SLC45A2: variants seen among roughly 807,000 people sequenced by gnomAD.
The protein encoded by SLC45A2 is solute carrier family 45 member 2, also known as membrane-associated transporter protein.
A neutral mutation model predicts 45.5 loss-of-function variants in SLC45A2; 36 were observed. The observed-to-expected ratio is 0.79, with a 90% CI of 0.61 to 1.04. SLC45A2 has a LOEUF of 1.04. SLC45A2 is among the 50% of genes least tolerant of loss of function. The probability of loss-of-function intolerance (pLI) is 0.00; values close to 1 mark genes in which losing one functional copy is unlikely to be tolerated. For synonymous variants in SLC45A2, 306 were observed against 269.3 expected (o/e 1.14, Z -1.33); for missense variants, 719 against 671.0 (o/e 1.07, Z -0.79).
In SLC45A2 at chr5:33,984,609, C is replaced by T. The variant is rs549171109; in HGVS notation, c.-26G>A. On this transcript the variant is annotated 5_prime_UTR_variant, in exon 1 of 7. Transcript: ENST00000296589. ...GGCCACTGGGAGAGGAACCTTCCTG[C>T]GAGCCCACCACCTCCTGCGTGGTCC... The T allele has an allele frequency of 1.5e-5, 24 of 1,605,618 alleles. 1 individual carries two copies. In the South Asian group the frequency reaches 2.2e-4, roughly 15 times the overall value.
At chr5:33,950,609 T>G (rs1254882195) in intron 5 of SLC45A2, among the ~76,000 whole-genome samples, 2 of 152,158 alleles carry the variant, frequency 1.3e-5, no homozygotes, top group Non-Finnish European at 2.9e-5. Context: ...CATCCACACT[T>G]TCCCTTCACA....
At chr5:33,946,495 G>A in intron 6 of SLC45A2, 1 of 985,654 alleles carries the variant, frequency 1.0e-6, no homozygotes, top group Non-Finnish European at 1.2e-6. Context: ...TTGATAAGAA[G>A]AGGTGGTAAT....
At chr5:33,966,367 A>T (rs1312445109) in intron 2 of SLC45A2, among the ~76,000 whole-genome samples, 12 of 148,898 alleles carry the variant, frequency 8.1e-5, no homozygotes, top group African/African-American at 2.5e-4. Flanking sequence ...ACAGTTTCCC[A>T]TTTTTTTCCC....
At chr5:33,983,375 C>T (rs114233725) in intron 1 of SLC45A2, among the ~76,000 whole-genome samples, 2,110 of 152,292 alleles carry the variant, frequency 0.014, 56 homozygotes, top group African/African-American at 0.049. Flanking sequence ...TAAGTCTACC[C>T]GCCACTTCTC....
intron 2 of SLC45A2, among the ~76,000 whole-genome samples, chr5:33,977,520 G>T (rs1028643137): frequency 2.0e-5 from 3 of 152,198 alleles, no homozygotes; most frequent in African/African-American, 7.2e-5. Flanking sequence ...GAGGGCCCTT[G>T]TTCCTAGAAA....
chr5:33,962,385 A>G (rs970928918), intron 3 of SLC45A2, among the ~76,000 whole-genome samples: 5 of 152,216 alleles, frequency 3.3e-5, no homozygotes, highest in African/African-American at 1.2e-4. Context: ...GTGTCTTTGT[A>G]TGCTTTATCT....
At chr5:33,971,106 G>A in intron 2 of SLC45A2, 3 of 525,280 alleles carry the variant, frequency 5.7e-6, no homozygotes, top group East Asian at 5.5e-5. Context: ...TGTGTTGGGA[G>A]TTGTCGTCGA....
At chr5:33,975,060 G>A (rs1752887402) in intron 2 of SLC45A2, among the ~76,000 whole-genome samples, 1 of 150,746 alleles carries the variant, frequency 6.6e-6, no homozygotes, top group Admixed American at 6.6e-5. Context: ...TCCTAAAAGA[G>A]GAAGATGTTT....
Position 33,984,529 on chromosome 5 carries a change from C to G in SLC45A2, c.55G>C (p.Asp19His), listed in dbSNP as rs1261044098. Reference protein sequence around the residue: ...GRHIYKSLADDGPFDSVEPPK... With the variant: ...GRHIYKSLADHGPFDSVEPPK... ...GGCTCCACAGAGTCAAAGGGGCCAT[C>G]ATCAGCTAGGGATTTATAGATGTGG... Residue 19 changes from aspartate to histidine, a missense_variant, in exon 1 of 7, where the codon GAT becomes CAT. Transcript: ENST00000296589. The G allele has an allele frequency of 5.0e-6, 8 of 1,612,884 alleles. No homozygotes were observed. In the East Asian group the frequency reaches 8.9e-5, roughly 18 times the overall value.
intron 2 of SLC45A2, among the ~76,000 whole-genome samples, chr5:33,964,656 T>C (rs1232651808): frequency 6.6e-6 from 1 of 152,170 alleles, no homozygotes; most frequent in Non-Finnish European, 1.5e-5. Flanking sequence ...TATTATCGTT[T>C]CCCAGGACTC....
rs140309535 is a variant in SLC45A2 at position 33,944,982 on chromosome 5, G to A, written c.1369-110C>T. 169 of 1,012,280 alleles carry A rather than the reference G, an allele frequency of 1.7e-4. No individual in the cohort carries two copies. The African/African-American group carries it at 2.4e-3, about 14-fold the overall frequency. The allele number at this position is 1,012,280 out of a possible 1,614,324, so 62.7% of individuals were successfully genotyped here. A position where few individuals can be genotyped will look rare whatever the true frequency, so the allele number is the denominator to read the frequency against. The stretch of plus-strand genomic sequence containing the variant: ...CCAGATAGTAAATACCTTTGGCTTC[G>A]TGGATTATACAGCCCTGGTCATAAC... On this transcript the variant is annotated intron_variant, in intron 6 of 6. Transcript: ENST00000296589.
In SLC45A2 at chr5:33,954,295, C is replaced by G; in HGVS notation, c.1032+66G>C. 4 of 1,607,600 alleles carry G rather than the reference C, an allele frequency of 2.5e-6. No individual in the cohort carries two copies. The South Asian group carries it at 4.4e-5, about 18-fold the overall frequency. On this transcript the variant is annotated intron_variant, in intron 4 of 6. Coordinates refer to ENST00000296589, the MANE Select transcript of SLC45A2 (RefSeq NM_016180.5). ...AATCTTAGAGGATAGCCCAGAAGAA[C>G]CTCAACAGGTGTTAATGGAGGAAAT...
intron 4 of SLC45A2, 74 bp from the exon 5 acceptor site, chr5:33,951,751 C>T: frequency 2.0e-5 from 32 of 1,595,834 alleles, no homozygotes; most frequent in Non-Finnish European, 2.7e-5. Flanking sequence ...CTCTGCTTCT[C>T]CACCTCTGGG....
intron 2 of SLC45A2, chr5:33,970,768 C>T (rs1752754030): frequency 7.9e-6 from 2 of 253,316 alleles, no homozygotes; most frequent in Admixed American, 4.8e-5. Context: ...TAGTGGTGGT[C>T]AATGAACAGG....
chr5:33,947,177 C>T lies in SLC45A2; in HGVS notation c.1354G>A (p.Glu452Lys), dbSNP rs746045166. The T allele has an allele frequency of 6.8e-6, 11 of 1,614,086 alleles. No homozygotes were observed. Among genetic ancestry groups the T allele is most frequent in the Middle Eastern group, 1.6e-4 (1 of 6,084 alleles). Residue 452 changes from glutamate to lysine, a missense_variant, in exon 6 of 7, where the codon GAG becomes AAG. By Grantham distance (56) the Glu-to-Lys change is moderately conservative. Coordinates refer to ENST00000296589, the MANE Select transcript of SLC45A2 (RefSeq NM_016180.5). ...TGACAGCACACCTCCTTTTCTTCCT[C>T]GCGGTGGTACTCAGTAATGAGGTTA... ...PFNLITEYHR[E>K]EEKERQQAPG...
intron 2 of SLC45A2, among the ~76,000 whole-genome samples, chr5:33,973,168 C>G (rs1752834278): frequency 6.6e-6 from 1 of 152,180 alleles, no homozygotes; most frequent in South Asian, 2.1e-4. Flanking sequence ...CACTTTCGAG[C>G]AGAGGAAACA....
At chr5:33,966,234 T>C (rs182644058) in intron 2 of SLC45A2, among the ~76,000 whole-genome samples, 3 of 152,294 alleles carry the variant, frequency 2.0e-5, no homozygotes, top group African/African-American at 4.8e-5. Context: ...AGTCCTACAA[T>C]TGGGGAGTTT....
In SLC45A2 at chr5:33,947,290, A is replaced by T. The variant is rs1561354424; in HGVS notation, c.1241T>A (p.Phe414Tyr). Residue 414 changes from phenylalanine to tyrosine, a missense_variant, in exon 6 of 7, where the codon TTT becomes TAT. Transcript: ENST00000296589. ...GYLLFGLGTG[F>Y]IGLFPNVYST... is the part of the protein sequence containing the mutation. ...GTAGACATTCGGGAAGAGCCCAATAAATCCCGTCCCCAGGCCAAACAGCAA... is the reference window on the plus strand; with the variant it reads ...GTAGACATTCGGGAAGAGCCCAATATATCCCGTCCCCAGGCCAAACAGCAA... 6.2e-7 allele frequency: 1 copy of T among 1,614,204 alleles called. No homozygotes were observed. The highest frequency in any genetic ancestry group is 1.7e-5 in the Admixed American group (1 of 60,032).
rs1462622541 is a variant in SLC45A2, at chr5:33,982,358, A to G, written c.440T>C (p.Ile147Thr). The G allele has an allele frequency of 6.2e-7, 1 of 1,614,186 alleles. No homozygotes were observed. The highest frequency in any genetic ancestry group is 2.2e-5 in the East Asian group (1 of 44,876). Residue 147 changes from isoleucine (I) to threonine (T), a missense_variant, in exon 2 of 7, where the codon ATA becomes ACA. Transcript: ENST00000296589. Reference sequence around the variant, plus strand: ...AGCAAAATCAAAGAGAACGACACCTATCATGGTGACACTTATGGCCCAAAC... The same window carrying G: ...AGCAAAATCAAAGAGAACGACACCTGTCATGGTGACACTTATGGCCCAAAC... ...KLVWAISVTMIGVVLFDFAAD... is the reference protein window; with the variant it reads ...KLVWAISVTMTGVVLFDFAAD...
Sources: allele counts gnomAD v4.1 joint callset (sites outside exome capture counted in the v4.1 genomes callset), GRCh38; gene constraint gnomAD v4.1.1; transcripts MANE v1.5; gene names NCBI Gene and HGNC (gene_info 2026-07-23, HGNC 2026-07-21).